IGFBP7: variants seen among roughly 807,000 people sequenced by gnomAD.
IGFBP7 encodes the protein insulin like growth factor binding protein 7.
A neutral mutation model predicts 29.4 loss-of-function variants in IGFBP7; 31 were observed. That is an observed-to-expected ratio of 1.05 (90% CI 0.79 to 1.42). IGFBP7 has a LOEUF of 1.42. IGFBP7 is among the 40% of genes most tolerant of loss of function. IGFBP7 has a pLI of 0.00. For missense variants in IGFBP7, 393 were observed against 395.5 expected (o/e 0.99, Z 0.05); for synonymous variants, 172 against 174.9 (o/e 0.98, Z 0.13).
At chr4:57,106,300 A>C (rs1726031207) in intron 1 of IGFBP7, among the ~76,000 whole-genome samples, 1 of 152,084 alleles carries the variant, frequency 6.6e-6, no homozygotes, top group Admixed American at 6.5e-5. Flanking sequence ...TACCTCACAC[A>C]TGTGTATGAA....
intron 1 of IGFBP7, chr4:57,072,931 C>A: frequency 1.3e-6 from 1 of 754,690 alleles, no homozygotes; most frequent in Non-Finnish European, 2.4e-6. Context: ...AGGGTAATAT[C>A]TGCCTGGACA....
intron 1 of IGFBP7, among the ~76,000 whole-genome samples, chr4:57,099,690 C>A (rs565440898): frequency 6.6e-6 from 1 of 152,188 alleles, no homozygotes; most frequent in African/African-American, 2.4e-5. Flanking sequence ...ACTCGCTGAT[C>A]CTTCAAGAAC....
intron 1 of IGFBP7, among the ~76,000 whole-genome samples, chr4:57,086,556 G>A (rs1430165134): frequency 6.6e-6 from 1 of 152,182 alleles, no homozygotes. Flanking sequence ...CAGGCTTGGT[G>A]GCATAGGTGG....
At chr4:57,037,293 A>C (rs1385538864) in intron 2 of IGFBP7, among the ~76,000 whole-genome samples, 1 of 152,116 alleles carries the variant, frequency 6.6e-6, no homozygotes, top group Non-Finnish European at 1.5e-5. Flanking sequence ...TGTTCTGGAA[A>C]GTCTGCAGAA....
chr4:57,056,500 C>T (rs540946655), intron 1 of IGFBP7, among the ~76,000 whole-genome samples: 64 of 152,196 alleles, frequency 4.2e-4, no homozygotes, highest in African/African-American at 1.5e-3. Flanking sequence ...ACAGTCTGGG[C>T]CAGGAACAGC....
chr4:57,033,365 T>C, intron 2 of IGFBP7, 54 bp from the exon 3 acceptor site: 3 of 1,183,314 alleles, frequency 2.5e-6, no homozygotes, highest in Non-Finnish European at 3.8e-6. Context: ...ATCATCTACT[T>C]GGAAGTGGCC....
At chr4:57,069,385 C>T (rs568769085) in intron 1 of IGFBP7, among the ~76,000 whole-genome samples, 2 of 151,990 alleles carry the variant, frequency 1.3e-5, no homozygotes, top group African/African-American at 4.8e-5. Flanking sequence ...GCCAGATGTT[C>T]GAGACCAGCC....
chr4:57,093,934 AT>A (rs1560507462), intron 1 of IGFBP7, among the ~76,000 whole-genome samples: 2 of 152,228 alleles, frequency 1.3e-5, no homozygotes, highest in African/African-American at 4.8e-5. Context: ...ACCTTTGTTC[AT>A]TTTTTCCCCT....
At chr4:57,063,205 T>C (rs1724839247) in intron 1 of IGFBP7, among the ~76,000 whole-genome samples, 1 of 152,166 alleles carries the variant, frequency 6.6e-6, no homozygotes, top group Non-Finnish European at 1.5e-5. Flanking sequence ...TCCTTTTTGT[T>C]TGACAAACCT....
chr4:57,034,582 T>C (rs1167934201), intron 2 of IGFBP7, among the ~76,000 whole-genome samples: 6 of 151,894 alleles, frequency 4.0e-5, no homozygotes, highest in Non-Finnish European at 8.8e-5. Flanking sequence ...TATAAATAAA[T>C]ATATACACTT....
At chr4:57,037,790 T>A (rs1345321279) in intron 2 of IGFBP7, among the ~76,000 whole-genome samples, 1 of 152,114 alleles carries the variant, frequency 6.6e-6, no homozygotes, top group Non-Finnish European at 1.5e-5. Flanking sequence ...TGTGTAAGTA[T>A]CCCTAGAAAA....
At chr4:57,091,533 C>T (rs1725635299) in intron 1 of IGFBP7, among the ~76,000 whole-genome samples, 1 of 152,136 alleles carries the variant, frequency 6.6e-6, no homozygotes, top group Non-Finnish European at 1.5e-5. Context: ...GAGGATAATA[C>T]TTTACCACAG....
intron 1 of IGFBP7, among the ~76,000 whole-genome samples, chr4:57,077,939 A>G (rs1725268475): frequency 6.6e-6 from 1 of 152,200 alleles, no homozygotes; most frequent in African/African-American, 2.4e-5. Flanking sequence ...GCACTCAATC[A>G]ATAAATCGGC....
intron 1 of IGFBP7, among the ~76,000 whole-genome samples, chr4:57,071,562 C>T (rs1725054198): frequency 6.6e-6 from 1 of 152,120 alleles, no homozygotes; most frequent in African/African-American, 2.4e-5. Context: ...TTTCTTTTTC[C>T]CTGGGTGGTC....
intron 1 of IGFBP7, among the ~76,000 whole-genome samples, chr4:57,095,933 T>G (rs1457239891): frequency 1.3e-5 from 2 of 152,162 alleles, no homozygotes; most frequent in African/African-American, 4.8e-5. Context: ...CTCTTAATTA[T>G]GCATTCATTT....
chr4:57,088,865 A>G (rs1320916332), intron 1 of IGFBP7, among the ~76,000 whole-genome samples: 1 of 151,822 alleles, frequency 6.6e-6, no homozygotes, highest in Non-Finnish European at 1.5e-5. Context: ...CCCCATCTCT[A>G]CCAAAAAAAT....
In IGFBP7 at chr4:57,044,453, C is replaced by T. The variant is rs575522338; in HGVS notation, c.476-3520G>A. ...GCCTAGCCCAAGGCTATGAAGATCT[C>T]CTGTTTTCTTCTACAAGCTTTATGG... On this transcript the variant is annotated intron_variant, in intron 1 of 4. Transcript: ENST00000295666. Among the ~76,000 whole-genome samples, 23 of 152,300 alleles carry T rather than the reference C, an allele frequency of 1.5e-4. No individual in the cohort carries two copies. The East Asian group carries it at 4.0e-3, about 27-fold the overall frequency.
chr4:57,105,471 C>A (rs1726000445), intron 1 of IGFBP7, among the ~76,000 whole-genome samples: 2 of 152,186 alleles, frequency 1.3e-5, no homozygotes, highest in Non-Finnish European at 1.5e-5. Context: ...AATCTCCCTT[C>A]CCACCTGGAG....
At chr4:57,082,628 C>G (rs994464714) in intron 1 of IGFBP7, among the ~76,000 whole-genome samples, 3 of 152,092 alleles carry the variant, frequency 2.0e-5, no homozygotes, top group Non-Finnish European at 4.4e-5. Flanking sequence ...TTAAAAAATG[C>G]AAAAGTGCAT....
Sources: gnomAD v4.1 joint callset for allele counts (sites outside exome capture counted in the v4.1 genomes callset) on GRCh38, gnomAD v4.1.1 for gene constraint, MANE v1.5 for transcripts, NCBI Gene and HGNC (gene_info 2026-07-23, HGNC 2026-07-21) for gene names.